HDAC4: variants seen among roughly 807,000 people sequenced by gnomAD.
The protein encoded by HDAC4 is histone deacetylase 4.
In HDAC4, 16 loss-of-function variants were observed where a neutral mutation model predicts 135.1. The ratio of observed to expected loss-of-function variants is 0.12; its 90% CI spans 0.08 to 0.18. The LOEUF (loss-of-function observed/expected upper bound fraction) is 0.18. HDAC4 is among the 10% of genes least tolerant of loss of function. The pLI, the probability that HDAC4 is intolerant of heterozygous loss-of-function variation, is 1.00. For synonymous variants in HDAC4, 685 were observed against 653.4 expected (o/e 1.05, Z -0.74); for missense variants, 1,143 against 1,511.8 (o/e 0.76, Z 4.05).
In HDAC4 at chr2:239,358,291, T is replaced by C. The variant is rs527340773; in HGVS notation, c.-219-5373A>G. Among the ~76,000 whole-genome samples the C allele has an allele frequency of 3.8e-4, 58 of 152,350 alleles. 1 individual carries two copies. Among genetic ancestry groups the C allele is most frequent in the African/African-American group, 1.4e-3 (57 of 41,582 alleles). On this transcript the variant is annotated intron_variant, in intron 1 of 26. Transcript: ENST00000543185. ...ACTCACAGATAGTTACGTTATCCGC[T>C]GTGTTATTAGTCCCATACTGCCACC...
chr2:239,159,642 T>C (rs1029156124), intron 6 of HDAC4, among the ~76,000 whole-genome samples: 5 of 151,308 alleles, frequency 3.3e-5, no homozygotes, highest in Non-Finnish European at 7.4e-5. Flanking sequence ...ACATCCCCCA[T>C]TCACACCCTA....
Position 239,086,558 on chromosome 2 carries a change from G to T in HDAC4, c.2444+1001C>A, listed in dbSNP as rs146835648. 1.2e-4 allele frequency among the ~76,000 whole-genome samples: 17 copies of T among 139,384 alleles called. No homozygotes were observed. The East Asian group carries it at 3.8e-3, about 31-fold the overall frequency. 91.4% of individuals were successfully genotyped at this position (139,384 alleles called of 152,430 possible). On this transcript the variant is annotated intron_variant, in intron 19 of 26. Coordinates refer to ENST00000543185, the MANE Select transcript of HDAC4 (RefSeq NM_001378414.1). ...CTCACGTACAGTCTCCTCCCTGTAC[G>T]TGAAGGAGATTCTGCTCTAACACGC...
intron 5 of HDAC4, among the ~76,000 whole-genome samples, chr2:239,173,665 C>G (rs2043589538): frequency 6.6e-6 from 1 of 152,112 alleles, no homozygotes; most frequent in Non-Finnish European, 1.5e-5. Context: ...TCAGCCCATT[C>G]TATATAATAA....
chr2:239,351,391 G>T (rs1287463380), intron 2 of HDAC4, among the ~76,000 whole-genome samples: 9 of 152,108 alleles, frequency 5.9e-5, no homozygotes, highest in African/African-American at 7.2e-5. Context: ...CCTGCCTATA[G>T]AATTATACTC....
Position 239,141,118 on chromosome 2 carries a change from T to C in HDAC4, c.866-1322A>G, listed in dbSNP as rs1345283950. 2 of 269,730 alleles carry C rather than the reference T, an allele frequency of 7.4e-6. No individual in the cohort carries two copies. Among genetic ancestry groups the C allele is most frequent in the East Asian group, 1.4e-4 (1 of 6,918 alleles). The allele number at this position is 269,730 out of a possible 1,614,324, so 16.7% of individuals were successfully genotyped here. On this transcript the variant is annotated intron_variant, in intron 8 of 26. Coordinates refer to ENST00000543185, the MANE Select transcript of HDAC4 (RefSeq NM_001378414.1). This position sits in a 1 kb window ranked among gnomAD's most constrained non-coding sequence, Gnocchi z 4.9. Reference sequence around the variant, plus strand: ...AGGCATGGAGCAGCAACATCACTCGTCCCAGGCCACGTGGCTTGAGGGAAC... The same window carrying C: ...AGGCATGGAGCAGCAACATCACTCGCCCCAGGCCACGTGGCTTGAGGGAAC...
At chr2:239,088,493 C>A (rs1218140464) in intron 18 of HDAC4, among the ~76,000 whole-genome samples, 1 of 152,232 alleles carries the variant, frequency 6.6e-6, no homozygotes, top group Non-Finnish European at 1.5e-5. Context: ...ACCCCTCGGT[C>A]CCGACCCCTG....
Position 239,068,148 on chromosome 2 carries a change from C to T in HDAC4, c.2869+341G>A, listed in dbSNP as rs4851967. ...CAAGGAGCACCGCCTGCCAGAGAAG[C>T]GGCATGGGGCACATCTCAGCTCTTG... On this transcript the variant is annotated intron_variant, in intron 23 of 26. Coordinates refer to ENST00000543185, the MANE Select transcript of HDAC4 (RefSeq NM_001378414.1). This position sits in a 1 kb window ranked among gnomAD's most constrained non-coding sequence, Gnocchi z 4.4. Among the ~76,000 whole-genome samples, 19,965 of 152,082 alleles carry T rather than the reference C, an allele frequency of 0.13. 2,186 individuals carry two copies. Among genetic ancestry groups the T allele is most frequent in the East Asian group, 0.42 (2,133 of 5,116 alleles).
At chr2:239,156,256 C>T (rs116279858) in intron 7 of HDAC4, among the ~76,000 whole-genome samples, 2 of 152,312 alleles carry the variant, frequency 1.3e-5, no homozygotes, top group South Asian at 2.1e-4. Context: ...CACTGCCCAG[C>T]GCCATCCCTG....
chr2:239,288,618 T>G (rs1477071181), intron 2 of HDAC4, among the ~76,000 whole-genome samples: 1 of 150,886 alleles, frequency 6.6e-6, no homozygotes, highest in East Asian at 1.9e-4. Flanking sequence ...AAATAAAATA[T>G]AAAAATCAAC....
intron 3 of HDAC4, chr2:239,191,138 A>G (rs2044921000): frequency 2.6e-6 from 1 of 390,780 alleles, no homozygotes. Context: ...CATAACCAAC[A>G]CTCATGTGAC....
In HDAC4 at chr2:239,050,576, T is replaced by C. The variant is rs2030691248; in HGVS notation, c.*2521A>G. Reference sequence around the variant, plus strand: ...TGCTCTCAAACCACTGTCTCAGAGCTGACCATCAGCAGCCCAGTGACCAAG... The same window carrying C: ...TGCTCTCAAACCACTGTCTCAGAGCCGACCATCAGCAGCCCAGTGACCAAG... On this transcript the variant is annotated 3_prime_UTR_variant, in exon 27 of 27. Coordinates refer to ENST00000543185, the MANE Select transcript of HDAC4 (RefSeq NM_001378414.1). 6.5e-6 allele frequency: 1 copy of C among 152,702 alleles called. No homozygotes were observed. Among genetic ancestry groups the C allele is most frequent in the African/African-American group, 2.4e-5 (1 of 41,476 alleles). 9.5% of individuals were successfully genotyped at this position (152,702 alleles called of 1,614,324 possible). A position where few individuals can be genotyped will look rare whatever the true frequency, so the allele number is the denominator to read the frequency against.
intron 2 of HDAC4, among the ~76,000 whole-genome samples, chr2:239,341,800 G>A (rs1692311964): frequency 6.6e-6 from 1 of 152,188 alleles, no homozygotes; most frequent in Admixed American, 6.5e-5. Context: ...TTTAGCAGCT[G>A]CTGTGGTCTG....
intron 3 of HDAC4, among the ~76,000 whole-genome samples, chr2:239,228,866 G>A (rs1439517746): frequency 6.6e-6 from 1 of 152,162 alleles, no homozygotes; most frequent in Non-Finnish European, 1.5e-5. Context: ...CAAGGGCTGG[G>A]CACAGTCGTT....
In HDAC4 at chr2:239,051,896, C is replaced by T. The variant is rs2030909492; in HGVS notation, c.*1201G>A. 2.0e-5 allele frequency: 3 copies of T among 151,050 alleles called. No homozygotes were observed. Among genetic ancestry groups the T allele is most frequent in the Non-Finnish European group, 4.4e-5 (3 of 67,886 alleles). 9.4% of individuals were successfully genotyped at this position (151,050 alleles called of 1,614,324 possible). A position where few individuals can be genotyped will look rare whatever the true frequency, so the allele number is the denominator to read the frequency against. On this transcript the variant is annotated 3_prime_UTR_variant, in exon 27 of 27. Transcript: ENST00000543185. ...TATAAATGCATTATAAATATTTTAT[C>T]AAGATTTCATAAGAATCAAGTAAGT...
chr2:239,112,333 T>C (rs1202177048), intron 13 of HDAC4, among the ~76,000 whole-genome samples: 1 of 152,212 alleles, frequency 6.6e-6, no homozygotes, highest in African/African-American at 2.4e-5. Flanking sequence ...CATGCCAAAC[T>C]TGGGCGAGAA....
At chr2:239,080,849 C>G in intron 22 of HDAC4, 1 of 565,414 alleles carries the variant, frequency 1.8e-6, no homozygotes, top group Non-Finnish European at 3.2e-6. Flanking sequence ...CACCATCGAC[C>G]CAAAGTGAGC....
chr2:239,063,741 G>C (rs563270411), intron 24 of HDAC4, among the ~76,000 whole-genome samples: 2 of 152,258 alleles, frequency 1.3e-5, no homozygotes, highest in African/African-American at 4.8e-5. Flanking sequence ...TGCACTTCTG[G>C]GCTCTCACTG....
chr2:239,197,162 C>T (rs2045445738), intron 3 of HDAC4, among the ~76,000 whole-genome samples: 1 of 152,190 alleles, frequency 6.6e-6, no homozygotes, highest in Admixed American at 6.5e-5. Context: ...AAGTTCTGCA[C>T]ATCTGAAAAC....
At chr2:239,378,140 T>C (rs1472651713) in intron 1 of HDAC4, among the ~76,000 whole-genome samples, 1 of 152,118 alleles carries the variant, frequency 6.6e-6, no homozygotes, top group Non-Finnish European at 1.5e-5. Flanking sequence ...GGACATGCCC[T>C]GTGCACATAG....
Sources: allele counts gnomAD v4.1 joint callset (sites outside exome capture counted in the v4.1 genomes callset), GRCh38; gene constraint gnomAD v4.1.1; non-coding constraint Gnocchi (gnomAD v3.1); transcripts MANE v1.5; gene names NCBI Gene and HGNC (gene_info 2026-07-23, HGNC 2026-07-21).